The following FOXP2 variants were observed in gnomAD, a reference collection of about 807,000 sequenced individuals.
FOXP2 encodes the protein forkhead box P2, also known as forkhead box protein P2.
A neutral mutation model predicts 115.8 loss-of-function variants in FOXP2; 12 were observed. The observed-to-expected ratio is 0.10, with a 90% CI of 0.07 to 0.17. The LOEUF is 0.17. Among genes scored for constraint, FOXP2 ranks in the 10% least tolerant of loss-of-function variants. FOXP2 has a pLI of 1.00. For synonymous variants in FOXP2, 328 were observed against 297.7 expected (o/e 1.10, Z -1.05); for missense variants, 629 against 843.5 (o/e 0.75, Z 3.15).
chr7:114,287,235 G>A (rs1375539136), intron 1 of FOXP2, among the ~76,000 whole-genome samples: 3 of 151,512 alleles, frequency 2.0e-5, no homozygotes, highest in African/African-American at 7.3e-5. Flanking sequence ...TAACACTAAC[G>A]ATAGCTGATG....
intron 1 of FOXP2, among the ~76,000 whole-genome samples, chr7:114,245,469 A>G (rs1342395024): frequency 2.6e-5 from 4 of 152,218 alleles, no homozygotes; most frequent in Non-Finnish European, 5.9e-5. Context: ...TTCACAAAAC[A>G]TACTCACTTT....
At chr7:114,253,325 G>C (rs1391962733) in intron 1 of FOXP2, among the ~76,000 whole-genome samples, 1 of 152,098 alleles carries the variant, frequency 6.6e-6, no homozygotes, top group South Asian at 2.1e-4. Flanking sequence ...GTGCAGAGCT[G>C]AGTTCAATTC....
chr7:114,535,547 A>G (rs997268551), intron 3 of FOXP2, among the ~76,000 whole-genome samples: 2 of 151,522 alleles, frequency 1.3e-5, no homozygotes, highest in Non-Finnish European at 3.0e-5. Flanking sequence ...AAAACAAAAC[A>G]ATTTTTTATG....
At chr7:114,097,986 G>A (rs1375502245) in intron 1 of FOXP2, among the ~76,000 whole-genome samples, 5 of 152,218 alleles carry the variant, frequency 3.3e-5, no homozygotes, top group Non-Finnish European at 5.9e-5. Context: ...CAAGTCAGAT[G>A]AGAGGTAGAG....
chr7:114,261,602 TTCTC>T (rs1322021834), intron 1 of FOXP2, among the ~76,000 whole-genome samples: 1 of 152,170 alleles, frequency 6.6e-6, no homozygotes, highest in Non-Finnish European at 1.5e-5. Context: ...AACAAATTAT[TTCTC>T]TCATCTGTTT....
At chr7:114,382,992 G>A (rs1562896395) in intron 2 of FOXP2, among the ~76,000 whole-genome samples, 1 of 152,136 alleles carries the variant, frequency 6.6e-6, no homozygotes, top group African/African-American at 2.4e-5. Flanking sequence ...GTCCTAATGA[G>A]GGTCTACACT....
chr7:114,240,257 G>A (rs1054674134), intron 1 of FOXP2, among the ~76,000 whole-genome samples: 3 of 152,008 alleles, frequency 2.0e-5, no homozygotes, highest in African/African-American at 7.2e-5. Flanking sequence ...TTTCATGTAT[G>A]TTTATCCTCT....
rs1443401906 is a variant in FOXP2 at position 114,571,030 on chromosome 7, T to C, written c.258+36324T>C. The C allele has an allele frequency of 4.1e-6, 3 of 737,866 alleles. No individual in the cohort carries two copies. In the East Asian group the frequency reaches 8.0e-5, roughly 20 times the overall value. 45.7% of individuals were successfully genotyped at this position (737,866 alleles called of 1,614,324 possible). A position where few individuals can be genotyped will look rare whatever the true frequency, so the allele number is the denominator to read the frequency against. ...TACAAATAATGTTAAGATACAGATG[T>C]AATTAGTTGATTTTCTCTTGCTTCT... On this transcript the variant is annotated intron_variant, in intron 3 of 16. Transcript: ENST00000350908.
chr7:114,359,418 C>T (rs1432765115), intron 2 of FOXP2, among the ~76,000 whole-genome samples: 1 of 152,204 alleles, frequency 6.6e-6, no homozygotes, highest in Admixed American at 6.5e-5. Flanking sequence ...AAATGGTCCT[C>T]ACTCGGGTAC....
chr7:114,560,219 T>C lies in FOXP2; in HGVS notation c.258+25513T>C, dbSNP rs538251992. On this transcript the variant is annotated intron_variant, in intron 3 of 16. Transcript: ENST00000350908. ...ATCTTGTATTTAACCCCAAGTTTTA[T>C]TTTGCCGTTTTTACATATTAAGTTG... Among the ~76,000 whole-genome samples the C allele has an allele frequency of 5.3e-5, 8 of 152,326 alleles. No homozygotes were observed. The East Asian group carries it at 1.5e-3, about 29-fold the overall frequency.
At chr7:114,444,270 T>G (rs1794733583) in intron 2 of FOXP2, among the ~76,000 whole-genome samples, 1 of 152,116 alleles carries the variant, frequency 6.6e-6, no homozygotes, top group African/African-American at 2.4e-5. Context: ...TTTTGAAATC[T>G]CACCAAGACA....
At chr7:114,531,905 C>T (rs546356903) in intron 2 of FOXP2, among the ~76,000 whole-genome samples, 8 of 151,940 alleles carry the variant, frequency 5.3e-5, no homozygotes, top group African/African-American at 9.6e-5. Flanking sequence ...ACAGACATTA[C>T]GTAGCATTGA....
chr7:114,212,916 G>A (rs79983874), intron 1 of FOXP2, among the ~76,000 whole-genome samples: 2 of 152,322 alleles, frequency 1.3e-5, no homozygotes, highest in Non-Finnish European at 2.9e-5. Flanking sequence ...CAATATATGT[G>A]AGAAAGTGAA....
At chr7:114,322,325 A>G (rs1797445310) in intron 2 of FOXP2, among the ~76,000 whole-genome samples, 1 of 151,310 alleles carries the variant, frequency 6.6e-6, no homozygotes, top group African/African-American at 2.4e-5. Flanking sequence ...ACCCTGACAG[A>G]TAATTGCTTT....
At chr7:114,182,290 C>T (rs747843407) in intron 1 of FOXP2, among the ~76,000 whole-genome samples, 18 of 151,346 alleles carry the variant, frequency 1.2e-4, no homozygotes, top group South Asian at 2.1e-4. Context: ...TTAATATACA[C>T]GAAAAATGGA....
chr7:114,269,696 G>T (rs1477057052), intron 1 of FOXP2, among the ~76,000 whole-genome samples: 1 of 152,098 alleles, frequency 6.6e-6, no homozygotes, highest in East Asian at 1.9e-4. Flanking sequence ...TCTCTTAAAA[G>T]ACTCAACACA....
At chr7:114,290,212 A>ATT (rs544826026) in intron 2 of FOXP2, among the ~76,000 whole-genome samples, 1 of 149,678 alleles carries the variant, frequency 6.7e-6, no homozygotes, top group South Asian at 2.1e-4. Context: ...TTTTCAAACA[A>ATT]TTTTTTTTTT....
intron 2 of FOXP2, among the ~76,000 whole-genome samples, chr7:114,332,276 T>C (rs757664746): frequency 2.0e-5 from 3 of 152,176 alleles, no homozygotes; most frequent in Non-Finnish European, 4.4e-5. Flanking sequence ...TATTTTTACT[T>C]TCTGGAAGAG....
At chr7:114,524,403 T>C (rs1798764298) in intron 2 of FOXP2, among the ~76,000 whole-genome samples, 1 of 152,194 alleles carries the variant, frequency 6.6e-6, no homozygotes, top group Admixed American at 6.5e-5. Context: ...TGTTTTGTTC[T>C]CTTTATACCC....
Sources: allele counts gnomAD v4.1 joint callset (sites outside exome capture counted in the v4.1 genomes callset), GRCh38; gene constraint gnomAD v4.1.1; transcripts MANE v1.5; gene names NCBI Gene and HGNC (gene_info 2026-07-23, HGNC 2026-07-21).